SENP6: variants seen among roughly 807,000 people sequenced by gnomAD.
The protein encoded by SENP6 is SUMO specific peptidase 6.
In SENP6, 41 loss-of-function variants were observed where a neutral mutation model predicts 134.5. The ratio of observed to expected loss-of-function variants is 0.30; its 90% CI spans 0.24 to 0.40. The LOEUF (loss-of-function observed/expected upper bound fraction) is 0.40, where lower values mean the gene tolerates loss of function less well. Among genes scored for constraint, SENP6 ranks in the 10% least tolerant of loss-of-function variants. SENP6 has a pLI of 1.00. For synonymous variants in SENP6, 395 were observed against 429.8 expected (o/e 0.92, Z 1.00); for missense variants, 1,248 against 1,312.5 (o/e 0.95, Z 0.76).
rs923443033 is a variant in SENP6, at chr6:75,602,332, G to C, written c.-193G>C. Reference sequence around the variant, plus strand: ...CGGGCCTCGCTGCCCGCCAGCCCGCGGACAGGCCCGGGCGCGCCTGGCCTG... The same window carrying C: ...CGGGCCTCGCTGCCCGCCAGCCCGCCGACAGGCCCGGGCGCGCCTGGCCTG... On this transcript the variant is annotated 5_prime_UTR_variant, in exon 1 of 24. Transcript: ENST00000447266. The C allele has an allele frequency of 4.0e-6, 2 of 504,474 alleles. No individual in the cohort carries two copies. Among genetic ancestry groups the C allele is most frequent in the African/African-American group, 2.0e-5 (1 of 48,840 alleles). The allele number at this position is 504,474 out of a possible 1,614,324, so 31.2% of individuals were successfully genotyped here.
At chr6:75,653,031 TTTC>T (rs1771025359) in intron 7 of SENP6, among the ~76,000 whole-genome samples, 1 of 124,480 alleles carries the variant, frequency 8.0e-6, no homozygotes, top group Non-Finnish European at 1.8e-5. Context: ...ACTTTTTTCT[TTTC>T]TTTTTTTTCT....
intron 16 of SENP6, among the ~76,000 whole-genome samples, chr6:75,685,668 G>A (rs1189502043): frequency 6.6e-6 from 1 of 152,160 alleles, no homozygotes; most frequent in Non-Finnish European, 1.5e-5. Context: ...CCGTCATTCA[G>A]GAGCAAGTTG....
chr6:75,707,010 CTGAT>C (rs756748511), intron 19 of SENP6, among the ~76,000 whole-genome samples: 11 of 151,040 alleles, frequency 7.3e-5, no homozygotes, highest in Non-Finnish European at 1.3e-4. Context: ...GGAACTGACA[CTGAT>C]TGAGAGAACC....
chr6:75,633,565 G>T lies in SENP6; in HGVS notation c.208-16G>T. 1 of 1,575,510 alleles carries T rather than the reference G, an allele frequency of 6.3e-7. No homozygotes were observed. Among genetic ancestry groups the T allele is most frequent in the Non-Finnish European group, 8.6e-7 (1 of 1,165,516 alleles). ...TATAGCATTTTTGACTCATATTTCT[G>T]GATCTTTTTTTACAGTTAAATCGTC... is the stretch of plus-strand genomic sequence containing the variant. On this transcript the variant is annotated splice_polypyrimidine_tract_variant and intron_variant, in intron 3 of 23. Coordinates refer to ENST00000447266, the MANE Select transcript of SENP6 (RefSeq NM_015571.4).
In SENP6 at chr6:75,718,258, TAAAG is replaced by T. The variant is rs1031144231; in HGVS notation, c.*2667_*2670del. Reference sequence around the variant, plus strand: ...CAGACAATTCACTGAACAGGAATAATAAAGAACATATTTTAATATATAATATGAC... The same window carrying T: ...CAGACAATTCACTGAACAGGAATAATAACATATTTTAATATATAATATGAC... On this transcript the variant is annotated 3_prime_UTR_variant, in exon 24 of 24. Transcript: ENST00000447266. 7 of 152,188 alleles carry T rather than the reference TAAAG, an allele frequency of 4.6e-5. No homozygotes were observed. The highest frequency in any genetic ancestry group is 2.0e-4 in the Admixed American group (3 of 15,286). The allele number at this position is 152,188 out of a possible 1,614,324, so 9.4% of individuals were successfully genotyped here. A position where few individuals can be genotyped will look rare whatever the true frequency, so the allele number is the denominator to read the frequency against.
intron 3 of SENP6, among the ~76,000 whole-genome samples, chr6:75,631,060 A>G (rs1178967588): frequency 2.0e-5 from 3 of 151,702 alleles, no homozygotes; most frequent in Non-Finnish European, 4.4e-5. Flanking sequence ...AATGACATTT[A>G]TCATTTATAG....
chr6:75,666,869 A>G lies in SENP6; in HGVS notation c.1152A>G (p.Glu384=), dbSNP rs762893885. The part of the protein sequence containing the change: ...LNENTCRAER[E]LRSIPEDSEL... ...AAAATACTTGCAGAGCAGAGCGTGA[A>G]CTACGAAGCATTCCAGAAGACTCAG... Residue 384 remains glutamate, a synonymous_variant, in exon 10 of 24, where the codon GAA becomes GAG. Transcript: ENST00000447266. 2 of 1,613,152 alleles carry G rather than the reference A, an allele frequency of 1.2e-6. No homozygotes were observed. Among genetic ancestry groups the G allele is most frequent in the Non-Finnish European group, 1.7e-6 (2 of 1,179,238 alleles).
intron 1 of SENP6, among the ~76,000 whole-genome samples, chr6:75,609,408 G>A (rs901681406): frequency 5.9e-5 from 9 of 152,222 alleles, no homozygotes; most frequent in Admixed American, 1.3e-4. Flanking sequence ...GAAATTTACA[G>A]TGTTAACGTC....
At chr6:75,623,348 C>T (rs754698926) in intron 2 of SENP6, among the ~76,000 whole-genome samples, 4 of 152,052 alleles carry the variant, frequency 2.6e-5, no homozygotes, top group Non-Finnish European at 5.9e-5. Context: ...TTAATAGATA[C>T]ATTAGTTTAA....
At chr6:75,653,984 G>A (rs1310758443) in intron 7 of SENP6, among the ~76,000 whole-genome samples, 1 of 152,172 alleles carries the variant, frequency 6.6e-6, no homozygotes, top group African/African-American at 2.4e-5. Flanking sequence ...AGCACTTTGG[G>A]AGGCCAGGGT....
At position 75,702,904 on chromosome 6, in the gene SENP6, T is replaced by C; in HGVS notation, c.2548T>C (p.Tyr850His). The change falls in exon 19 of 24, where the codon TAT (tyrosine) becomes CAT (histidine). Residue 850 changes from tyrosine (Y) to histidine (H), a missense_variant. Tyr to His is a moderately conservative substitution (Grantham distance 83). Transcript: ENST00000447266. ...TGGGCAGGAAGAAAGTGACCCTCGTTATAAGAGAAACATATGCAGTGTAAA... is the reference window on the plus strand; with the variant it reads ...TGGGCAGGAAGAAAGTGACCCTCGTCATAAGAGAAACATATGCAGTGTAAA... Reference protein sequence around the residue: ...NPGQEESDPRYKRNICSVKYS... With the variant: ...NPGQEESDPRHKRNICSVKYS... The C allele has an allele frequency of 6.2e-7, 1 of 1,614,148 alleles. No homozygotes were observed. Among genetic ancestry groups the C allele is most frequent in the Non-Finnish European group, 8.5e-7 (1 of 1,180,022 alleles).
rs368698860 is a variant in SENP6, at chr6:75,647,854, A to G, written c.550+53A>G. 1.4e-5 allele frequency: 19 copies of G among 1,356,950 alleles called. No individual in the cohort carries two copies. The African/African-American group carries it at 2.3e-4, about 16-fold the overall frequency. The allele number at this position is 1,356,950 out of a possible 1,614,324, so 84.1% of individuals were successfully genotyped here. ...GAAGGATTTCAAATTGCTGTATGAA[A>G]AGTACAATGGAGATACGATGCTGGC... On this transcript the variant is annotated intron_variant, in intron 7 of 23. Coordinates refer to ENST00000447266, the MANE Select transcript of SENP6 (RefSeq NM_015571.4).
chr6:75,686,373 T>C (rs1773841697), intron 16 of SENP6, among the ~76,000 whole-genome samples: 1 of 152,260 alleles, frequency 6.6e-6, no homozygotes, highest in Non-Finnish European at 1.5e-5. Context: ...TGTCTTTTAA[T>C]TGGGGCATTT....
Position 75,713,786 on chromosome 6 carries a change from T to G in SENP6, c.3090T>G (p.Cys1030Trp). ...CACAGCAAAACAACTTCAGTGACTG[T>G]GGTGTATATGTATTGCAGTATGTAG... ...KVPQQNNFSD[C>W]GVYVLQYVES... The change falls in exon 23 of 24, where the codon TGT becomes TGG. Residue 1030 changes from cysteine to tryptophan, a missense_variant. Physicochemically the swap from Cys to Trp is radical, Grantham distance 215. Coordinates refer to ENST00000447266, the MANE Select transcript of SENP6 (RefSeq NM_015571.4). 1 of 1,613,440 alleles carries G rather than the reference T, an allele frequency of 6.2e-7. No homozygotes were observed. Among genetic ancestry groups the G allele is most frequent in the South Asian group, 1.1e-5 (1 of 90,962 alleles).
chr6:75,624,069 A>C, intron 3 of SENP6, 109 bp downstream of exon 3: 2 of 748,602 alleles, frequency 2.7e-6, no homozygotes, highest in Non-Finnish European at 2.1e-6. Context: ...CACTTTCTCC[A>C]CTCCAGAGGC....
At chr6:75,619,258 AC>A (rs950478589) in intron 1 of SENP6, among the ~76,000 whole-genome samples, 2 of 152,202 alleles carry the variant, frequency 1.3e-5, no homozygotes, top group Non-Finnish European at 2.9e-5. Flanking sequence ...GCCTCTGGTA[AC>A]CTTGATTCTA....
intron 1 of SENP6, among the ~76,000 whole-genome samples, chr6:75,620,388 AAGTTAGATCAAGAGGTCCAGATTC>A (rs778928780): frequency 1.3e-5 from 2 of 152,142 alleles, no homozygotes; most frequent in Non-Finnish European, 2.9e-5. Flanking sequence ...GGAAGCTGGG[AAGTTAGATCAAGAGGTCCAGATTC>A]AGTATCTGGT....
At chr6:75,609,773 T>G (rs76232494) in intron 1 of SENP6, among the ~76,000 whole-genome samples, 2,402 of 152,268 alleles carry the variant, frequency 0.016, 37 homozygotes, top group Middle Eastern at 0.048. Context: ...TGTTTTGTTT[T>G]TGTTTTTGTT....
intron 7 of SENP6, among the ~76,000 whole-genome samples, chr6:75,657,534 A>G (rs78984691): frequency 2.0e-5 from 3 of 152,344 alleles, no homozygotes; most frequent in South Asian, 2.1e-4. Context: ...CATAGTGACA[A>G]TGTCTCTTCC....
Sources: allele counts gnomAD v4.1 joint callset (sites outside exome capture counted in the v4.1 genomes callset), GRCh38; gene constraint gnomAD v4.1.1; transcripts MANE v1.5; gene names NCBI Gene and HGNC (gene_info 2026-07-23, HGNC 2026-07-21).